EFHC2: variants seen among roughly 807,000 people sequenced by gnomAD.
EFHC2 encodes EF-hand domain-containing family member C2.
Under a neutral mutation model 52.7 loss-of-function variants are expected in EFHC2, and 18 were observed. The observed-to-expected ratio is 0.34, with a 90% CI of 0.24 to 0.51. EFHC2 has a LOEUF of 0.51. EFHC2 is among the 20% of genes least tolerant of loss of function. EFHC2 has a pLI of 0.97. For missense variants in EFHC2, 513 were observed against 562.5 expected, an observed-to-expected ratio of 0.91 and a Z score of 0.89; for synonymous variants, 203 against 204.1, an observed-to-expected ratio of 0.99 and a Z score of 0.04.
intron 8 of EFHC2, among the ~76,000 whole-genome samples, chrX:44,241,116 T>A (rs2037356092): frequency 9.0e-6 from 1 of 111,312 alleles, no homozygotes; most frequent in Non-Finnish European, 1.9e-5. Flanking sequence ...CCACATTCCC[T>A]TTATCACTGC....
At chrX:44,251,590 T>C (rs1359367888) in intron 4 of EFHC2, among the ~76,000 whole-genome samples, 1 of 24,302 alleles carries the variant, frequency 4.1e-5, no homozygotes, top group African/African-American at 1.1e-4. Context: ...GACAGAGCAA[T>C]ACTCTGTAAA....
intron 4 of EFHC2, among the ~76,000 whole-genome samples, chrX:44,253,261 G>A (rs1387114983): frequency 1.8e-5 from 2 of 109,141 alleles, no homozygotes; most frequent in Admixed American, 2.0e-4. Flanking sequence ...TACCCCAGTG[G>A]CGCCTGGAAC....
At chrX:44,300,082 AT>A (rs1292410569) in intron 2 of EFHC2, among the ~76,000 whole-genome samples, 41 of 108,383 alleles carry the variant, frequency 3.8e-4, no homozygotes, top group Middle Eastern at 4.7e-3. Context: ...AAGGTAAATA[AT>A]TTTTTTTTTA....
intron 1 of EFHC2, among the ~76,000 whole-genome samples, chrX:44,342,276 TACAG>T (rs781639373): frequency 1.8e-5 from 2 of 112,350 alleles, no homozygotes; most frequent in Admixed American, 9.5e-5. Context: ...ACAACTTAGA[TACAG>T]ACAGTGTTTG....
At chrX:44,204,160 T>G (rs2147297590) in intron 11 of EFHC2, among the ~76,000 whole-genome samples, 1 of 101,117 alleles carries the variant, frequency 9.9e-6, no homozygotes, top group South Asian at 4.7e-4. Context: ...ACACACAACA[T>G]ACACCACAGT....
intron 2 of EFHC2, among the ~76,000 whole-genome samples, chrX:44,305,195 G>A (rs763073237): frequency 9.0e-6 from 1 of 110,915 alleles, no homozygotes; most frequent in East Asian, 2.8e-4. Context: ...TTGGGAGGCG[G>A]AGGTTGCAGT....
intron 1 of EFHC2, among the ~76,000 whole-genome samples, chrX:44,320,191 C>G (rs902895087): frequency 2.7e-5 from 3 of 112,207 alleles, no homozygotes; most frequent in Non-Finnish European, 5.6e-5. Flanking sequence ...GATCCACCCA[C>G]CCTGGCCTCC....
rs34889083 is a variant in EFHC2 at position 44,148,230 on chromosome X, C to CGT, written c.*563_*564dup. The CGT allele has an allele frequency of 0.055, 5,578 of 101,804 alleles. 175 individuals carry two copies. The highest frequency in any genetic ancestry group is 0.15 in the South Asian group (335 of 2,173). 8.4% of individuals were successfully genotyped at this position (101,804 alleles called of 1,213,427 possible). A position where few individuals can be genotyped will look rare whatever the true frequency, so the allele number is the denominator to read the frequency against. On this transcript the variant is annotated 3_prime_UTR_variant, in exon 15 of 15. Transcript: ENST00000420999. ...TATGTTTCCAGTGTGTGTGCACGTG[C>CGT]GTGTGTGTGTGTGTGTGTGTGTGTG... is the stretch of plus-strand genomic sequence containing the variant.
chrX:44,159,625 T>C (rs2147267287), intron 14 of EFHC2, among the ~76,000 whole-genome samples: 1 of 112,645 alleles, frequency 8.9e-6, no homozygotes, highest in South Asian at 3.7e-4. Context: ...TAGTCCTTTC[T>C]GAATGCCTCC....
chrX:44,226,551 A>T (rs1183583786), intron 11 of EFHC2, among the ~76,000 whole-genome samples: 2 of 111,458 alleles, frequency 1.8e-5, no homozygotes, highest in Non-Finnish European at 3.8e-5. Context: ...CCTAAGAGAC[A>T]TGCGAGGGGG....
chrX:44,325,597 C>T (rs754423902), intron 1 of EFHC2, among the ~76,000 whole-genome samples: 2 of 109,291 alleles, frequency 1.8e-5, no homozygotes, highest in Non-Finnish European at 3.8e-5. Flanking sequence ...CTACAGAAAC[C>T]GTAAAGTTAA....
chrX:44,316,119 T>C (rs993614908), intron 1 of EFHC2, among the ~76,000 whole-genome samples: 2 of 111,752 alleles, frequency 1.8e-5, no homozygotes, highest in Non-Finnish European at 3.8e-5. Flanking sequence ...CTTGCCACCG[T>C]TGAAGGCCTC....
rs1245930445 is a variant in EFHC2 at position 44,148,791 on chromosome X, A to G, written c.*4T>C. On this transcript the variant is annotated 3_prime_UTR_variant, in exon 15 of 15. Transcript: ENST00000420999. ...TCATAGAGAATTGACCAAAACTGGC[A>G]TGGTTATTCCTCCTCTAAGCCAAAC... The G allele has an allele frequency of 8.5e-7, 1 of 1,172,232 alleles. No homozygotes were observed. Among genetic ancestry groups the G allele is most frequent in the Non-Finnish European group, 1.1e-6 (1 of 874,317 alleles).
intron 14 of EFHC2, among the ~76,000 whole-genome samples, chrX:44,161,625 G>T (rs1331135552): frequency 8.9e-6 from 1 of 112,002 alleles, no homozygotes; most frequent in Non-Finnish European, 1.9e-5. Context: ...AGCTGCCAAG[G>T]ACTGGCCTGG....
intron 7 of EFHC2, among the ~76,000 whole-genome samples, chrX:44,247,650 G>A (rs2037410670): frequency 9.0e-6 from 1 of 111,321 alleles, no homozygotes; most frequent in African/African-American, 3.3e-5. Flanking sequence ...GGTGTCACTC[G>A]CTGCAGGTCT....
intron 3 of EFHC2, among the ~76,000 whole-genome samples, chrX:44,271,093 A>C (rs1432769965): frequency 2.7e-5 from 3 of 111,580 alleles, no homozygotes; most frequent in Non-Finnish European, 5.6e-5. Context: ...TTAATGTAAC[A>C]TGTGATTCAT....
chrX:44,240,795 G>T (rs779970853), intron 8 of EFHC2, among the ~76,000 whole-genome samples: 3 of 110,940 alleles, frequency 2.7e-5, no homozygotes, highest in Admixed American at 1.9e-4. Flanking sequence ...GTCTGGGGGT[G>T]GGGGAGACAC....
intron 2 of EFHC2, among the ~76,000 whole-genome samples, chrX:44,278,199 AC>A (rs1435766323): frequency 8.9e-6 from 1 of 111,913 alleles, no homozygotes; most frequent in Non-Finnish European, 1.9e-5. Flanking sequence ...ACATGGCAAA[AC>A]CCAATCTCTA....
At position 44,242,246 on chromosome X, in the gene EFHC2, T is replaced by C; in HGVS notation, c.1155A>G (p.Pro385=). The change falls in exon 8 of 15, where the codon CCA becomes CCG. Residue 385 remains proline, a synonymous_variant. Transcript: ENST00000420999. ...SVSCKPPSPP[P]KIERKFPPYN... ...AAGGTGGAAATTTCCTTTCTATTTTTGGAGGAGGAGAAGGAGGCTTGCATG... is the reference window on the plus strand; with the variant it reads ...AAGGTGGAAATTTCCTTTCTATTTTCGGAGGAGGAGAAGGAGGCTTGCATG... The C allele has an allele frequency of 8.3e-7, 1 of 1,208,923 alleles. No homozygotes were observed. Among genetic ancestry groups the C allele is most frequent in the Non-Finnish European group, 1.1e-6 (1 of 894,277 alleles).
Sources: allele counts gnomAD v4.1 joint callset (sites outside exome capture counted in the v4.1 genomes callset), GRCh38; gene constraint gnomAD v4.1.1; transcripts MANE v1.5; gene names NCBI Gene and HGNC (gene_info 2026-07-23, HGNC 2026-07-21).